The following RNF212B variants were observed in gnomAD, a reference collection of about 807,000 sequenced individuals.
RNF212B encodes ring finger protein 212B.
A neutral mutation model predicts 55.5 loss-of-function variants in RNF212B; 52 were observed. The observed-to-expected ratio is 0.94, with a 90% CI of 0.75 to 1.18. The LOEUF (loss-of-function observed/expected upper bound fraction) is 1.18. Ranked by LOEUF, RNF212B falls within the 50% of genes most tolerant of loss-of-function variation. RNF212B has a pLI of 0.00. For missense variants in RNF212B, 289 were observed against 350.4 expected (o/e 0.82, Z 1.40); for synonymous variants, 99 against 121.4 (o/e 0.82, Z 1.21).
intron 2 of RNF212B, among the ~76,000 whole-genome samples, chr14:23,213,493 AAAG>A (rs889414403): frequency 1.3e-4 from 20 of 152,150 alleles, no homozygotes; most frequent in African/African-American, 4.3e-4. Flanking sequence ...CATGAGGCGG[AAAG>A]AAGAAGTATT....
In RNF212B at chr14:23,205,175, C is replaced by CA. The variant is rs575464623; in HGVS notation, c.-2+11780dup. Among the ~76,000 whole-genome samples the CA allele has an allele frequency of 1.1e-4, 16 of 152,054 alleles. No homozygotes were observed. In the South Asian group the frequency reaches 1.4e-3, roughly 14 times the overall value. On this transcript the variant is annotated intron_variant, in intron 2 of 15. Coordinates refer to the RNF212B transcript ENST00000399910. ...TCTTTAAGCTTTCTTACTACACACA[C>CA]AAAAAATCTCTTTATTTTTATAACT...
In RNF212B at chr14:23,229,220, TTATATATA is replaced by T. The variant is rs61656270; in HGVS notation, c.-1-11090_-1-11083del. ...ATTTCCTTTATGGCTGAATAATATT[TTATATATA>T]TATATATATATATATATATATATAT... is the stretch of plus-strand genomic sequence containing the variant. On this transcript the variant is annotated intron_variant, in intron 2 of 15. Coordinates refer to the RNF212B transcript ENST00000399910. Among the ~76,000 whole-genome samples, 502 of 65,016 alleles carry T rather than the reference TTATATATA, an allele frequency of 7.7e-3. 3 individuals are homozygous for T. The highest frequency in any genetic ancestry group is 0.067 in the Middle Eastern group (6 of 90). 42.7% of individuals were successfully genotyped at this position (65,016 alleles called of 152,430 possible).
intron 2 of RNF212B, among the ~76,000 whole-genome samples, chr14:23,222,829 G>C (rs1463125080): frequency 1.3e-5 from 2 of 152,064 alleles, no homozygotes; most frequent in South Asian, 4.1e-4. Flanking sequence ...GAGGCGGGGG[G>C]ATCATCTGAG....
chr14:23,228,928 T>C lies in RNF212B; in HGVS notation c.-1-11417T>C, dbSNP rs536104662. Among the ~76,000 whole-genome samples, 54 of 152,156 alleles carry C rather than the reference T, an allele frequency of 3.5e-4. 1 individual carries two copies. The South Asian group carries it at 0.01, about 29-fold the overall frequency. ...TAGTGTGCAATTCAGTGGCATTAGG[T>C]ACATTCACAATGTTGTACAATCATC... On this transcript the variant is annotated intron_variant, in intron 2 of 15. Transcript: ENST00000399910.
intron 14 of RNF212B, among the ~76,000 whole-genome samples, chr14:23,272,222 C>G (rs1036178849): frequency 2.6e-5 from 4 of 152,062 alleles, no homozygotes; most frequent in Non-Finnish European, 5.9e-5. Flanking sequence ...TCGAGACCAT[C>G]CTGGCTAACA....
chr14:23,262,815 A>C, intron 8 of RNF212B, 104 bp downstream of exon 8: 1 of 1,442,320 alleles, frequency 6.9e-7, no homozygotes, highest in Non-Finnish European at 9.5e-7. Context: ...TCCTAACTTT[A>C]TGTGTAATAT....
intron 4 of RNF212B, among the ~76,000 whole-genome samples, chr14:23,245,190 T>C (rs560907483): frequency 7.0e-4 from 106 of 152,310 alleles, no homozygotes; most frequent in African/African-American, 2.3e-3. Context: ...AGATGATCCT[T>C]AGTCATTTTC....
chr14:23,198,530 G>C (rs1878955658), intron 2 of RNF212B, among the ~76,000 whole-genome samples: 1 of 152,020 alleles, frequency 6.6e-6, no homozygotes, highest in South Asian at 2.1e-4. Context: ...AAAAAAATCA[G>C]CTGGGCGTGG....
intron 4 of RNF212B, among the ~76,000 whole-genome samples, chr14:23,258,091 C>G (rs547681193): frequency 9.5e-4 from 144 of 152,260 alleles, no homozygotes; most frequent in Non-Finnish European, 1.9e-3. Flanking sequence ...GTAATCCCAA[C>G]ACTTTGGGAG....
At chr14:23,262,599 C>T in intron 7 of RNF212B, 66 bp from the exon 8 acceptor site, 1 of 1,322,244 alleles carries the variant, frequency 7.6e-7, no homozygotes, top group Non-Finnish European at 1.0e-6. Context: ...TCTGATTGAT[C>T]CTCTAAAGTG....
chr14:23,191,348 C>CA (rs776652211), intron 1 of RNF212B, among the ~76,000 whole-genome samples: 842 of 47,772 alleles, frequency 0.018, 4 homozygotes, highest in Non-Finnish European at 0.024. Flanking sequence ...GACCCTGTCT[C>CA]AAAAAAAAAA....
At chr14:23,188,082 T>C (rs1877770467) in intron 1 of RNF212B, 1 of 152,250 alleles carries the variant, frequency 6.6e-6, no homozygotes. Context: ...TTGTGTCTTC[T>C]AGGGTTTATG....
At chr14:23,262,841 C>T in intron 8 of RNF212B, 87 bp from the exon 9 acceptor site, 1 of 1,449,212 alleles carries the variant, frequency 6.9e-7, no homozygotes, top group Non-Finnish European at 9.5e-7. Flanking sequence ...CATTATATAA[C>T]CAGATAACCA....
At chr14:23,196,286 C>T (rs1234110025) in intron 2 of RNF212B, among the ~76,000 whole-genome samples, 1 of 152,158 alleles carries the variant, frequency 6.6e-6, no homozygotes, top group Non-Finnish European at 1.5e-5. Context: ...TCTGCTCTTT[C>T]TCCAGCCTGC....
Position 23,270,610 on chromosome 14 carries a change from G to A in RNF212B, c.783G>A (p.Glu261=). 6 of 1,550,298 alleles carry A rather than the reference G, an allele frequency of 3.9e-6. No individual in the cohort carries two copies. In the African/African-American group the frequency reaches 4.1e-5, roughly 11 times the overall value. ...VLTPNNFAQR[E]STTTLESLPS... Reference sequence around the variant, plus strand: ...CATTCTATCCTTCAGCTCAGAGGGAGAGCACAACTACACTAGAGAGTCTTC... The same window carrying A: ...CATTCTATCCTTCAGCTCAGAGGGAAAGCACAACTACACTAGAGAGTCTTC... The change falls in exon 14 of 15, where the codon GAG becomes GAA. Residue 261 remains glutamate (E), a synonymous_variant. Transcript: ENST00000430154.
chr14:23,234,767 A>C (rs1882978037), upstream of RNF212B, among the ~76,000 whole-genome samples: 1 of 152,254 alleles, frequency 6.6e-6, no homozygotes, highest in African/African-American at 2.4e-5. Context: ...TTCCAGTGAA[A>C]ACTTTTATTT....
chr14:23,254,819 T>A (rs1271367207), intron 4 of RNF212B, among the ~76,000 whole-genome samples: 15 of 152,196 alleles, frequency 9.9e-5, no homozygotes, highest in Admixed American at 9.8e-4. Flanking sequence ...CTCTCAGTAT[T>A]TTTCAGTTAT....
At chr14:23,208,785 G>A (rs1490643465) in intron 2 of RNF212B, among the ~76,000 whole-genome samples, 3 of 75,710 alleles carry the variant, frequency 4.0e-5, no homozygotes, top group Non-Finnish European at 6.7e-5. Context: ...TTGAGACGGA[G>A]TCTCACTCTG....
chr14:23,269,969 A>C lies in RNF212B; in HGVS notation c.772+9A>C. On this transcript the variant is annotated intron_variant, in intron 13 of 14. Transcript: ENST00000430154. ...CACCCCCAACAATTTTGGTAAGTTA[A>C]ATAACATTTCCAAAGGAATGGAGCT... 1 of 1,426,364 alleles carries C rather than the reference A, an allele frequency of 7.0e-7. No homozygotes were observed. The highest frequency in any genetic ancestry group is 9.7e-7 in the Non-Finnish European group (1 of 1,034,088). The allele number at this position is 1,426,364 out of a possible 1,614,324, so 88.4% of individuals were successfully genotyped here.
Sources: allele counts gnomAD v4.1 joint callset (sites outside exome capture counted in the v4.1 genomes callset), GRCh38; gene constraint gnomAD v4.1.1; transcripts MANE v1.5; gene names NCBI Gene and HGNC (gene_info 2026-07-23, HGNC 2026-07-21).